The following ROBO1 variants were observed in gnomAD, a reference collection of about 807,000 sequenced individuals.
ROBO1 encodes the protein roundabout homolog 1.
In ROBO1, 149 loss-of-function variants were observed where a neutral mutation model predicts 195.9. The observed-to-expected ratio is 0.76, with a 90% confidence interval of 0.67 to 0.87. The LOEUF is 0.87. Among genes scored for constraint, ROBO1 ranks in the 40% least tolerant of loss-of-function variants. The pLI is 0.00. For synonymous variants in ROBO1, 816 were observed against 733.2 expected, an observed-to-expected ratio of 1.11 and a Z score of -1.82; for missense variants, 1,933 against 2,068.3, an observed-to-expected ratio of 0.93 and a Z score of 1.27.
chr3:79,382,755 T>C (rs1277977656), intron 2 of ROBO1, among the ~76,000 whole-genome samples: 1 of 152,184 alleles, frequency 6.6e-6, no homozygotes. Flanking sequence ...TGATACACGA[T>C]ATCTATTTCC....
In ROBO1 at chr3:79,326,172, C is replaced by T. The variant is rs111366839; in HGVS notation, c.89-200633G>A. ...AGATGTTATCCATGACAATGATGCC[C>T]GAAACTTCATTAGCAATTTTAATTT... On this transcript the variant is annotated intron_variant, in intron 2 of 30. Coordinates refer to ENST00000464233, the MANE Select transcript of ROBO1 (RefSeq NM_002941.4). Among the ~76,000 whole-genome samples the T allele has an allele frequency of 7.7e-4, 117 of 152,186 alleles. 1 individual carries two copies. Among genetic ancestry groups the T allele is most frequent in the African/African-American group, 2.7e-3 (113 of 41,520 alleles).
intron 2 of ROBO1, among the ~76,000 whole-genome samples, chr3:79,343,124 C>T (rs1443328487): frequency 6.6e-6 from 1 of 152,176 alleles, no homozygotes; most frequent in African/African-American, 2.4e-5. Flanking sequence ...AGATTGGCTT[C>T]TTCCACTTAG....
At chr3:78,985,082 G>A (rs1029596119) in intron 3 of ROBO1, among the ~76,000 whole-genome samples, 1 of 152,140 alleles carries the variant, frequency 6.6e-6, no homozygotes, top group Admixed American at 6.5e-5. Context: ...GGGAGGCCAA[G>A]GCAGGTGGAC....
At chr3:79,212,317 T>C (rs2081980666) in intron 2 of ROBO1, among the ~76,000 whole-genome samples, 1 of 152,192 alleles carries the variant, frequency 6.6e-6, no homozygotes, top group Non-Finnish European at 1.5e-5. Flanking sequence ...TCTCAACAAC[T>C]GATAAGAAAA....
chr3:78,617,968 G>T lies in ROBO1; in HGVS notation c.3949C>A (p.Pro1317Thr), dbSNP rs766398334. ...TCCGTATCCATATCTGAGACCAGGG[G>T]TCCTGAAATGTAGCCATAGGTATGT... ...PPHTYGYISG[P>T]LVSDMDTDAP... Residue 1317 changes from proline (P) to threonine (T), a missense_variant, in exon 27 of 31, where the codon CCC becomes ACC. By Grantham distance (38) the Pro-to-Thr change is conservative (BLOSUM62 -1). This residue lies in a region of ROBO1 where 1,737 missense variants were observed against 1,882.5 expected (regional missense o/e 0.92). Transcript: ENST00000464233. The T allele has an allele frequency of 8.1e-6, 13 of 1,613,966 alleles. No homozygotes were observed. The highest frequency in any genetic ancestry group is 1.0e-5 in the Non-Finnish European group (12 of 1,179,890).
intron 2 of ROBO1, among the ~76,000 whole-genome samples, chr3:79,248,636 G>T (rs2082668437): frequency 3.3e-5 from 5 of 152,138 alleles, no homozygotes. Flanking sequence ...AATAAGGATT[G>T]GGAGGCAGTG....
At chr3:78,731,740 T>C (rs1397532058) in intron 5 of ROBO1, among the ~76,000 whole-genome samples, 2 of 152,136 alleles carry the variant, frequency 1.3e-5, no homozygotes, top group Admixed American at 1.3e-4. Flanking sequence ...ATAACAAATG[T>C]ATTTAAATTC....
At chr3:78,639,027 T>A (rs1194445114) in intron 22 of ROBO1, among the ~76,000 whole-genome samples, 1 of 151,814 alleles carries the variant, frequency 6.6e-6, no homozygotes, top group African/African-American at 2.4e-5. Context: ...GTGACTACAA[T>A]CCCAGCTACT....
intron 1 of ROBO1, among the ~76,000 whole-genome samples, chr3:79,602,918 T>G (rs1163219020): frequency 2.0e-5 from 3 of 152,010 alleles, no homozygotes; most frequent in Non-Finnish European, 4.4e-5. Flanking sequence ...TATTTTTGCA[T>G]GTTAGATCTT....
Position 78,627,439 on chromosome 3 carries a change from C to T in ROBO1, c.3757G>A (p.Val1253Met), listed in dbSNP as rs768909585. 44 of 1,612,796 alleles carry T rather than the reference C, an allele frequency of 2.7e-5. No homozygotes were observed. Among genetic ancestry groups the T allele is most frequent in the East Asian group, 4.5e-5 (2 of 44,756 alleles). The change falls in exon 26 of 31, where the codon GTG becomes ATG. Residue 1253 changes from valine to methionine, a missense_variant. Transcript: ENST00000464233. ...GCAGTGGACTGATGGCTATAGGACA[C>T]GGCAGCTGGAGAAGAAGCTGCTCCC... ...VRGAASSPAA[V>M]SYSHQSTATL...
At chr3:78,916,033 CGA>C (rs2038546241) in intron 4 of ROBO1, among the ~76,000 whole-genome samples, 1 of 151,674 alleles carries the variant, frequency 6.6e-6, no homozygotes, top group African/African-American at 2.4e-5. Context: ...GGGCGGATCA[CGA>C]GGTCAGGAAA....
chr3:79,062,094 C>G (rs1427500570), intron 3 of ROBO1, among the ~76,000 whole-genome samples: 2 of 151,992 alleles, frequency 1.3e-5, no homozygotes, highest in Non-Finnish European at 2.9e-5. Context: ...TTTTTGCAAT[C>G]TACCCATCTC....
intron 25 of ROBO1, among the ~76,000 whole-genome samples, 181 bp from the exon 26 acceptor site, chr3:78,627,750 T>G (rs1220841770): frequency 6.6e-6 from 1 of 152,184 alleles, no homozygotes; most frequent in African/African-American, 2.4e-5. Context: ...ATAAACTATT[T>G]TTCTCTAAGG....
At chr3:79,010,347 G>C (rs893644679) in intron 3 of ROBO1, among the ~76,000 whole-genome samples, 1 of 152,040 alleles carries the variant, frequency 6.6e-6, no homozygotes, top group Admixed American at 6.6e-5. Flanking sequence ...AGCTTAACTT[G>C]TTGAACCTCA....
intron 3 of ROBO1, among the ~76,000 whole-genome samples, chr3:78,948,170 T>A (rs984153520): frequency 6.6e-6 from 1 of 152,216 alleles, no homozygotes; most frequent in Non-Finnish European, 1.5e-5. Context: ...CTAACTCATT[T>A]TATGAGGCCA....
intron 1 of ROBO1, among the ~76,000 whole-genome samples, chr3:79,749,027 G>T (rs1310229897): frequency 6.6e-6 from 1 of 152,194 alleles, no homozygotes; most frequent in East Asian, 1.9e-4. Context: ...GGGCTGAGAA[G>T]AAGACAGGAA....
chr3:79,736,223 C>T (rs185929131), intron 1 of ROBO1, among the ~76,000 whole-genome samples: 5 of 152,078 alleles, frequency 3.3e-5, no homozygotes, highest in Non-Finnish European at 5.9e-5. Flanking sequence ...GAAGGTGTAA[C>T]GGAGCTTGAT....
chr3:78,636,195 A>G, intron 22 of ROBO1, 87 bp from the exon 23 acceptor site: 1 of 973,162 alleles, frequency 1.0e-6, no homozygotes, highest in Non-Finnish European at 1.5e-6. Context: ...GCGAGTCATC[A>G]GAAAATCGTT....
At chr3:79,568,882 T>G (rs922034449) in intron 2 of ROBO1, among the ~76,000 whole-genome samples, 1 of 152,192 alleles carries the variant, frequency 6.6e-6, no homozygotes, top group Non-Finnish European at 1.5e-5. Flanking sequence ...TCTGCTGAAA[T>G]TTCAGGAAAC....
Sources: allele counts gnomAD v4.1 joint callset (sites outside exome capture counted in the v4.1 genomes callset), GRCh38; gene constraint gnomAD v4.1.1; regional missense constraint gnomAD v4.1.1; transcripts MANE v1.5; gene names NCBI Gene and HGNC (gene_info 2026-07-23, HGNC 2026-07-21).